The following ADGRB3 variants were observed in gnomAD, a reference collection of about 807,000 sequenced individuals.
ADGRB3 encodes adhesion G protein-coupled receptor B3.
ADGRB3 carries 37 observed loss-of-function variants against 193.4 expected under a neutral mutation model. The observed-to-expected ratio is 0.19, with a 90% confidence interval of 0.15 to 0.25. The LOEUF is 0.25. Among genes scored for constraint, ADGRB3 ranks in the 10% least tolerant of loss-of-function variants. ADGRB3 has a pLI of 1.00. For synonymous variants in ADGRB3, 690 were observed against 644.2 expected, an observed-to-expected ratio of 1.07 and a Z score of -1.08; for missense variants, 1,637 against 1,852.9, an observed-to-expected ratio of 0.88 and a Z score of 2.14.
At chr6:68,781,508 G>T (rs923051606) in intron 3 of ADGRB3, among the ~76,000 whole-genome samples, 3 of 152,022 alleles carry the variant, frequency 2.0e-5, no homozygotes, top group Non-Finnish European at 2.9e-5. Context: ...TAATAATTTT[G>T]TCCCTACTTA....
intron 13 of ADGRB3, among the ~76,000 whole-genome samples, chr6:69,041,203 AATAG>A (rs1771058550): frequency 6.6e-6 from 1 of 152,212 alleles, no homozygotes; most frequent in South Asian, 2.1e-4. Flanking sequence ...AAGAGATAAT[AATAG>A]ATGAGGAGAG....
chr6:68,713,071 T>C (rs544234342), intron 3 of ADGRB3, among the ~76,000 whole-genome samples: 1 of 152,030 alleles, frequency 6.6e-6, no homozygotes, highest in South Asian at 2.1e-4. Flanking sequence ...GGTTATACTT[T>C]GAATCAGCAG....
intron 17 of ADGRB3, among the ~76,000 whole-genome samples, chr6:69,223,650 C>CTG (rs1765946040): frequency 2.9e-5 from 4 of 137,020 alleles, no homozygotes; most frequent in African/African-American, 1.1e-4. Context: ...CTCTCTCTCT[C>CTG]TCTTTTTTTT....
At chr6:68,876,637 T>C (rs996884997) in intron 3 of ADGRB3, among the ~76,000 whole-genome samples, 3 of 152,226 alleles carry the variant, frequency 2.0e-5, no homozygotes, top group Admixed American at 1.3e-4. Context: ...ATTGTTAGTC[T>C]TTATGGTCAA....
intron 17 of ADGRB3, among the ~76,000 whole-genome samples, chr6:69,079,203 A>G (rs188559442): frequency 1.1e-4 from 16 of 152,174 alleles, no homozygotes; most frequent in African/African-American, 3.6e-4. Context: ...ATTTAGAAAC[A>G]TATTTGTTTT....
chr6:69,264,585 C>T (rs923723703), intron 20 of ADGRB3, among the ~76,000 whole-genome samples: 6 of 151,568 alleles, frequency 4.0e-5, no homozygotes, highest in Non-Finnish European at 5.9e-5. Context: ...TAGTGCTGCA[C>T]ATACTATCTG....
chr6:69,053,939 G>T (rs754331454), intron 15 of ADGRB3, among the ~76,000 whole-genome samples: 1 of 152,156 alleles, frequency 6.6e-6, no homozygotes, highest in Admixed American at 6.5e-5. Flanking sequence ...TCATTTGTCT[G>T]ATTCATTTAA....
At chr6:69,067,001 G>A (rs924703477) in intron 16 of ADGRB3, among the ~76,000 whole-genome samples, 3 of 152,076 alleles carry the variant, frequency 2.0e-5, no homozygotes, top group African/African-American at 7.2e-5. Context: ...AGATGAGTCA[G>A]AAGAAAAAGA....
intron 20 of ADGRB3, among the ~76,000 whole-genome samples, chr6:69,320,553 A>G (rs1311500738): frequency 6.6e-6 from 1 of 151,546 alleles, no homozygotes; most frequent in Non-Finnish European, 1.5e-5. Flanking sequence ...ATTTCTTCCA[A>G]TTTAAAAAAT....
In ADGRB3 at chr6:68,781,082, T is replaced by A. The variant is rs191336022; in HGVS notation, c.757+141650T>A. On this transcript the variant is annotated intron_variant, in intron 3 of 31. Transcript: ENST00000370598. ...GTTGATAATATAACCTGCAACTGCATGAATTCGTGTACAGTTTAATGTGAT... is the reference window on the plus strand; with the variant it reads ...GTTGATAATATAACCTGCAACTGCAAGAATTCGTGTACAGTTTAATGTGAT... Among the ~76,000 whole-genome samples the A allele has an allele frequency of 9.2e-5, 14 of 152,320 alleles. No individual in the cohort carries two copies. In the East Asian group the frequency reaches 2.7e-3, roughly 29 times the overall value.
chr6:68,643,125 T>G (rs1768120747), intron 3 of ADGRB3, among the ~76,000 whole-genome samples: 1 of 152,168 alleles, frequency 6.6e-6, no homozygotes, highest in Non-Finnish European at 1.5e-5. Flanking sequence ...TGGTGCTACT[T>G]ATGTGAAAGG....
intron 3 of ADGRB3, among the ~76,000 whole-genome samples, chr6:68,918,865 G>A (rs1012204710): frequency 1.3e-5 from 2 of 152,034 alleles, no homozygotes; most frequent in African/African-American, 4.8e-5. Flanking sequence ...ATAAAAGTTG[G>A]ATGGAGTAGA....
chr6:69,045,773 A>T, intron 13 of ADGRB3, among the ~76,000 whole-genome samples: 1 of 152,138 alleles, frequency 6.6e-6, no homozygotes, highest in African/African-American at 2.4e-5. Flanking sequence ...AACCTCCATT[A>T]CATTCCTACT....
intron 3 of ADGRB3, among the ~76,000 whole-genome samples, chr6:68,861,988 A>G (rs1298318453): frequency 6.6e-6 from 1 of 152,140 alleles, no homozygotes; most frequent in African/African-American, 2.4e-5. Context: ...ATTACTATCT[A>G]TCCTACTGTT....
intron 3 of ADGRB3, among the ~76,000 whole-genome samples, chr6:68,808,916 A>G (rs964609753): frequency 6.6e-6 from 1 of 152,214 alleles, no homozygotes; most frequent in Non-Finnish European, 1.5e-5. Context: ...ATTGCCTCAT[A>G]TATACCAAGT....
chr6:69,289,373 G>A (rs1028803653), intron 20 of ADGRB3, among the ~76,000 whole-genome samples: 2 of 152,118 alleles, frequency 1.3e-5, no homozygotes, highest in South Asian at 2.1e-4. Flanking sequence ...TGATTGTTTG[G>A]TTGTCAAAAC....
At chr6:69,363,058 T>C (rs1050203346) in intron 29 of ADGRB3, among the ~76,000 whole-genome samples, 1 of 152,046 alleles carries the variant, frequency 6.6e-6, no homozygotes, top group African/African-American at 2.4e-5. Context: ...GTTTTACATC[T>C]AAAAGCCTGA....
intron 3 of ADGRB3, among the ~76,000 whole-genome samples, chr6:68,704,281 C>T (rs1424531734): frequency 6.6e-6 from 1 of 152,078 alleles, no homozygotes; most frequent in Non-Finnish European, 1.5e-5. Flanking sequence ...CAGTTTTGCT[C>T]TGCTTTTAGA....
At chr6:69,079,025 C>T (rs1772313815) in intron 17 of ADGRB3, among the ~76,000 whole-genome samples, 1 of 152,004 alleles carries the variant, frequency 6.6e-6, no homozygotes, top group Non-Finnish European at 1.5e-5. Context: ...ATATTTCTAG[C>T]AATTATTAGA....
Sources: allele counts gnomAD v4.1 joint callset (sites outside exome capture counted in the v4.1 genomes callset), GRCh38; gene constraint gnomAD v4.1.1; transcripts MANE v1.5; gene names NCBI Gene and HGNC (gene_info 2026-07-23, HGNC 2026-07-21).